TASP1: variants seen among roughly 807,000 people sequenced by gnomAD.
TASP1 encodes the protein threonine aspartase 1.
In TASP1, 16 loss-of-function variants were observed where a neutral mutation model predicts 56.6. The observed-to-expected ratio is 0.28, with a 90% CI of 0.19 to 0.43. TASP1 has a LOEUF of 0.43. Ranked by LOEUF, TASP1 falls within the 20% of genes least tolerant of loss-of-function variation. TASP1 has a pLI of 1.00. For missense variants in TASP1, 393 were observed against 511.6 expected, an observed-to-expected ratio of 0.77 and a Z score of 2.24; for synonymous variants, 179 against 184.2, an observed-to-expected ratio of 0.97 and a Z score of 0.23.
At chr20:13,223,498 A>C in the TASP1 span, among the ~76,000 whole-genome samples, 1 of 152,242 alleles carries the variant, frequency 6.6e-6, no homozygotes, top group Non-Finnish European at 1.5e-5. Flanking sequence ...CAAAGTTCAG[A>C]CATTCCAAAC....
At chr20:13,423,530 A>T (rs541874390) in intron 12 of TASP1, among the ~76,000 whole-genome samples, 8 of 152,362 alleles carry the variant, frequency 5.3e-5, no homozygotes, top group African/African-American at 1.9e-4. Context: ...TGGCTAAAAA[A>T]AGAAAGGTAA....
chr20:13,596,923 G>GA (rs2047755642), intron 4 of TASP1, among the ~76,000 whole-genome samples: 1 of 152,160 alleles, frequency 6.6e-6, no homozygotes, highest in African/African-American at 2.4e-5. Context: ...AAACACATTG[G>GA]AAAATCTAGA....
chr20:13,247,882 C>T, the TASP1 span, among the ~76,000 whole-genome samples: 39 of 152,254 alleles, frequency 2.6e-4, 1 homozygote, highest in African/African-American at 9.4e-4. Flanking sequence ...TGTCCTAGAA[C>T]AAAATCCTCT....
chr20:13,398,292 A>G (rs1394442465), intron 13 of TASP1, among the ~76,000 whole-genome samples: 1 of 152,032 alleles, frequency 6.6e-6, no homozygotes, highest in African/African-American at 2.4e-5. Flanking sequence ...CATGCCCCCA[A>G]AGAACTGTTA....
At chr20:13,153,502 G>A in the TASP1 span, among the ~76,000 whole-genome samples, 1 of 152,082 alleles carries the variant, frequency 6.6e-6, no homozygotes, top group African/African-American at 2.4e-5. Flanking sequence ...CTATGAATAT[G>A]CTATCCCTAC....
intron 4 of TASP1, among the ~76,000 whole-genome samples, chr20:13,615,410 G>A (rs1170053836): frequency 3.3e-5 from 5 of 151,826 alleles, no homozygotes; most frequent in Non-Finnish European, 7.4e-5. Context: ...CTATAGTGAG[G>A]TACAATCCTT....
the TASP1 span, among the ~76,000 whole-genome samples, chr20:13,297,328 C>T: frequency 6.6e-6 from 1 of 152,124 alleles, no homozygotes; most frequent in South Asian, 2.1e-4. Flanking sequence ...TGCGGTTTCC[C>T]AGATCCCAGT....
At chr20:13,363,711 T>A in the TASP1 span, among the ~76,000 whole-genome samples, 10 of 152,282 alleles carry the variant, frequency 6.6e-5, no homozygotes, top group African/African-American at 2.4e-4. Flanking sequence ...TAGCTCTAGG[T>A]CATAGTGTGA....
chr20:13,453,664 G>T (rs1160895327), intron 11 of TASP1, among the ~76,000 whole-genome samples: 1 of 152,016 alleles, frequency 6.6e-6, no homozygotes, highest in East Asian at 1.9e-4. Context: ...TTATTCTTTA[G>T]CTAGTTATTA....
the TASP1 span, among the ~76,000 whole-genome samples, chr20:13,134,091 C>T: frequency 1.5e-3 from 226 of 152,298 alleles, 1 homozygote; most frequent in African/African-American, 5.2e-3. Flanking sequence ...TAAACTGTCA[C>T]GGTCAGGTGT....
At chr20:13,222,595 G>T in the TASP1 span, among the ~76,000 whole-genome samples, 4 of 152,114 alleles carry the variant, frequency 2.6e-5, no homozygotes, top group Admixed American at 2.6e-4. Flanking sequence ...TAAACTTGTA[G>T]CAAAGTCTTT....
chr20:13,110,066 GTA>G, the TASP1 span: 1 of 1,505,650 alleles, frequency 6.6e-7, no homozygotes, highest in Non-Finnish European at 9.0e-7. Context: ...AAAAGGAAAA[GTA>G]AACCCTTTCA....
At chr20:13,309,092 G>C in the TASP1 span, among the ~76,000 whole-genome samples, 1 of 152,086 alleles carries the variant, frequency 6.6e-6, no homozygotes, top group East Asian at 1.9e-4. Flanking sequence ...GTATATGAAA[G>C]TAGTATACAA....
chr20:13,143,178 G>C, the TASP1 span, among the ~76,000 whole-genome samples: 1 of 152,114 alleles, frequency 6.6e-6, no homozygotes, highest in East Asian at 1.9e-4. Context: ...AAAAGACCAA[G>C]AAGGAGACCG....
chr20:13,132,261 C>T, the TASP1 span, among the ~76,000 whole-genome samples: 1 of 150,288 alleles, frequency 6.7e-6, no homozygotes. Flanking sequence ...ACTGCAACCT[C>T]CACCTCTCGG....
At chr20:13,306,564 C>CAAAAAAAAAAAAAAAAAAAAACAAA in the TASP1 span, among the ~76,000 whole-genome samples, 1 of 63,914 alleles carries the variant, frequency 1.6e-5, no homozygotes, top group South Asian at 7.8e-4. Context: ...GGAGAAAGGA[C>CAAAAAAAAAAAAAAAAAAAAACAAA]AAAAAAAAAA....
chr20:13,154,803 A>C, the TASP1 span, among the ~76,000 whole-genome samples: 1 of 152,220 alleles, frequency 6.6e-6, no homozygotes, highest in South Asian at 2.1e-4. Flanking sequence ...ACTTTTTGTC[A>C]GTTTGGCAGG....
intron 11 of TASP1, among the ~76,000 whole-genome samples, chr20:13,474,067 C>A (rs2044626980): frequency 6.6e-6 from 1 of 152,098 alleles, no homozygotes; most frequent in Admixed American, 6.5e-5. Flanking sequence ...CAGAGGGAGA[C>A]TCAGTCTTGA....
the TASP1 span, among the ~76,000 whole-genome samples, chr20:13,328,086 C>T: frequency 1.2e-3 from 176 of 152,120 alleles, 1 homozygote; most frequent in Middle Eastern, 3.4e-3. Context: ...TCAGAGTCTA[C>T]GAGGAACTTA....
Sources: gnomAD v4.1 joint callset for allele counts (sites outside exome capture counted in the v4.1 genomes callset) on GRCh38, gnomAD v4.1.1 for gene constraint, MANE v1.5 for transcripts, NCBI Gene and HGNC (gene_info 2026-07-23, HGNC 2026-07-21) for gene names.